The following SORCS1 variants were observed in gnomAD, a reference collection of about 807,000 sequenced individuals.
The protein encoded by SORCS1 is sortilin related VPS10 domain containing receptor 1.
SORCS1 carries 60 observed loss-of-function variants against 146.1 expected under a neutral mutation model. The ratio of observed to expected loss-of-function variants is 0.41; its 90% confidence interval spans 0.33 to 0.51. The LOEUF (loss-of-function observed/expected upper bound fraction) is 0.51. SORCS1 is among the 20% of genes least tolerant of loss of function. SORCS1 has a pLI of 0.21. For missense variants in SORCS1, 1,352 were observed against 1,487.6 expected, an observed-to-expected ratio of 0.91 and a Z score of 1.50; for synonymous variants, 637 against 584.0, an observed-to-expected ratio of 1.09 and a Z score of -1.31.
chr10:106,781,426 C>CT (rs1169071038), intron 3 of SORCS1, among the ~76,000 whole-genome samples: 1 of 152,112 alleles, frequency 6.6e-6, no homozygotes, highest in East Asian at 1.9e-4. Flanking sequence ...GTGGATATCT[C>CT]TTTTGCTTTA....
chr10:107,004,787 T>C (rs1303684591), intron 1 of SORCS1, among the ~76,000 whole-genome samples: 1 of 152,072 alleles, frequency 6.6e-6, no homozygotes, highest in African/African-American at 2.4e-5. Context: ...TATAAAACTT[T>C]TCATCTGCAC....
intron 21 of SORCS1, among the ~76,000 whole-genome samples, chr10:106,615,301 G>T (rs796560908): frequency 6.6e-6 from 1 of 152,174 alleles, no homozygotes; most frequent in African/African-American, 2.4e-5. Flanking sequence ...CTCTGCGGGA[G>T]AGTAGGAGAC....
At chr10:106,700,353 A>G (rs1230905556) in intron 8 of SORCS1, among the ~76,000 whole-genome samples, 2 of 152,226 alleles carry the variant, frequency 1.3e-5, no homozygotes, top group African/African-American at 4.8e-5. Flanking sequence ...ATGTCTGTTC[A>G]TATGCTCTAG....
rs1237656785 is a variant in SORCS1, at chr10:106,956,644, G to A, written c.559-64C>T. 6.4e-6 allele frequency: 9 copies of A among 1,401,662 alleles called. No homozygotes were observed. In the South Asian group the frequency reaches 9.5e-5, roughly 15 times the overall value. 86.8% of individuals were successfully genotyped at this position (1,401,662 alleles called of 1,614,324 possible). On this transcript the variant is annotated intron_variant, in intron 1 of 25. Transcript: ENST00000263054. Reference sequence around the variant, plus strand: ...ATTACAATCTCTTAGAACTGAAATGGCCCAAGGGAGGGCTTAGGATTCCTT... The same window carrying A: ...ATTACAATCTCTTAGAACTGAAATGACCCAAGGGAGGGCTTAGGATTCCTT...
intron 10 of SORCS1, among the ~76,000 whole-genome samples, chr10:106,684,331 C>T (rs1190274447): frequency 6.6e-6 from 1 of 152,118 alleles, no homozygotes; most frequent in Non-Finnish European, 1.5e-5. Flanking sequence ...AAGTGAGACT[C>T]AGTCTCAAAA....
At chr10:106,621,968 C>T (rs1847774583) in intron 19 of SORCS1, among the ~76,000 whole-genome samples, 1 of 152,076 alleles carries the variant, frequency 6.6e-6, no homozygotes, top group South Asian at 2.1e-4. Context: ...GATCATGTTA[C>T]TCATACTTGT....
intron 1 of SORCS1, among the ~76,000 whole-genome samples, chr10:107,103,760 A>G (rs901728690): frequency 6.6e-6 from 1 of 152,222 alleles, no homozygotes; most frequent in African/African-American, 2.4e-5. Context: ...TAGGAAGCAG[A>G]GAAGGGAATC....
intron 1 of SORCS1, among the ~76,000 whole-genome samples, chr10:107,029,037 T>C (rs1416268324): frequency 6.6e-6 from 1 of 152,216 alleles, no homozygotes; most frequent in Non-Finnish European, 1.5e-5. Context: ...AGTTAAAAAC[T>C]ATTAAACCAA....
intron 2 of SORCS1, among the ~76,000 whole-genome samples, chr10:106,883,911 G>A (rs1387571737): frequency 6.6e-6 from 1 of 152,218 alleles, no homozygotes; most frequent in East Asian, 1.9e-4. Context: ...GGCATCTGCA[G>A]TCCGGTACAG....
At chr10:106,928,840 T>A (rs1467930317) in intron 2 of SORCS1, among the ~76,000 whole-genome samples, 3 of 152,006 alleles carry the variant, frequency 2.0e-5, no homozygotes, top group African/African-American at 7.3e-5. Flanking sequence ...CAATACCTAT[T>A]TTTTATCTAT....
chr10:106,672,259 G>A (rs897812249), intron 15 of SORCS1, among the ~76,000 whole-genome samples: 2 of 152,162 alleles, frequency 1.3e-5, no homozygotes, highest in African/African-American at 4.8e-5. Context: ...TCTGCGGAAC[G>A]ACTTGTACCT....
chr10:106,969,565 T>C (rs1453667597), intron 1 of SORCS1, among the ~76,000 whole-genome samples: 1 of 152,176 alleles, frequency 6.6e-6, no homozygotes, highest in Non-Finnish European at 1.5e-5. Flanking sequence ...AGTTATTCAA[T>C]GTTGAGCTTC....
At chr10:107,171,139 A>C in the SORCS1 span, among the ~76,000 whole-genome samples, 1 of 152,216 alleles carries the variant, frequency 6.6e-6, no homozygotes, top group South Asian at 2.1e-4. Flanking sequence ...GTTCTTCAAC[A>C]TGCTTCTCTA....
intron 6 of SORCS1, among the ~76,000 whole-genome samples, chr10:106,719,187 A>T (rs1270105282): frequency 6.6e-6 from 1 of 152,204 alleles, no homozygotes; most frequent in East Asian, 1.9e-4. Flanking sequence ...AGCAAGAATG[A>T]AAAGTGGAAA....
chr10:106,618,355 C>T, intron 20 of SORCS1, 83 bp from the exon 21 acceptor site: 1 of 1,539,242 alleles, frequency 6.5e-7, no homozygotes, highest in South Asian at 1.2e-5. Context: ...CAACAATAGG[C>T]TGTCTAACCC....
chr10:106,801,369 A>G, intron 3 of SORCS1, among the ~76,000 whole-genome samples: 1 of 152,096 alleles, frequency 6.6e-6, no homozygotes, highest in East Asian at 1.9e-4. Context: ...TATATTAACC[A>G]TAATTGGTCT....
intron 1 of SORCS1, among the ~76,000 whole-genome samples, chr10:107,064,249 C>T (rs963424929): frequency 6.6e-6 from 1 of 152,146 alleles, no homozygotes; most frequent in Non-Finnish European, 1.5e-5. Flanking sequence ...ATCCTAAACC[C>T]CGATCTGGAA....
At chr10:106,929,431 C>T (rs1357709229) in intron 2 of SORCS1, among the ~76,000 whole-genome samples, 1 of 152,140 alleles carries the variant, frequency 6.6e-6, no homozygotes, top group Non-Finnish European at 1.5e-5. Context: ...AAACTGAGAT[C>T]TACAGAGATG....
At chr10:107,002,299 G>A (rs1473455969) in intron 1 of SORCS1, among the ~76,000 whole-genome samples, 1 of 152,098 alleles carries the variant, frequency 6.6e-6, no homozygotes, top group Non-Finnish European at 1.5e-5. Flanking sequence ...CAATAATTCT[G>A]AATTAGTAAG....
Sources: allele counts gnomAD v4.1 joint callset (sites outside exome capture counted in the v4.1 genomes callset), GRCh38; gene constraint gnomAD v4.1.1; transcripts MANE v1.5; gene names NCBI Gene and HGNC (gene_info 2026-07-23, HGNC 2026-07-21).